ATG3: variants seen among roughly 807,000 people sequenced by gnomAD.
ATG3 encodes the protein ubiquitin-like-conjugating enzyme ATG3.
In ATG3, 25 loss-of-function variants were observed where a neutral mutation model predicts 50.7. The observed-to-expected ratio is 0.49, with a 90% CI of 0.36 to 0.69. The LOEUF is 0.69. Ranked by LOEUF, ATG3 falls within the 30% of genes least tolerant of loss-of-function variation. The pLI is 0.00. For synonymous variants in ATG3, 119 were observed against 125.5 expected (o/e 0.95, Z 0.34); for missense variants, 281 against 376.0 (o/e 0.75, Z 2.09).
chr3:112,544,008 G>C, intron 6 of ATG3, 49 bp downstream of exon 6: 1 of 1,368,640 alleles, frequency 7.3e-7, no homozygotes, highest in African/African-American at 1.5e-5. Flanking sequence ...TAGATAGATA[G>C]GCAAATAACT....
intron 4 of ATG3, 98 bp from the exon 5 acceptor site, chr3:112,548,738 ATACCAC>A (rs1933442171): frequency 1.0e-6 from 1 of 957,916 alleles, no homozygotes; most frequent in South Asian, 1.4e-5. Context: ...TAGGGTGTTT[ATACCAC>A]CAAAGTACTA....
At chr3:112,561,110 C>T (rs1933853513) in intron 1 of ATG3, among the ~76,000 whole-genome samples, 1 of 152,178 alleles carries the variant, frequency 6.6e-6, no homozygotes, top group Non-Finnish European at 1.5e-5. Context: ...GAAGCAAAAT[C>T]CTTGCTTAAA....
At chr3:112,560,549 G>T (rs1444274720) in intron 1 of ATG3, among the ~76,000 whole-genome samples, 1 of 151,730 alleles carries the variant, frequency 6.6e-6, no homozygotes, top group Non-Finnish European at 1.5e-5. Context: ...ACTGAGATTG[G>T]TACATTCTAA....
Position 112,536,392 on chromosome 3 carries a change from TC to T in ATG3, c.794+82del, listed in dbSNP as rs779319382. ...TAAGAAAATTTTTTTCTGTTAGGGT[TC>T]TATGTTTAAAGATTCTCAAGTAATA... is the stretch of plus-strand genomic sequence containing the variant. On this transcript the variant is annotated intron_variant, in intron 10 of 11. Coordinates refer to ENST00000283290, the MANE Select transcript of ATG3 (RefSeq NM_022488.5). 3.3e-6 allele frequency: 5 copies of T among 1,533,586 alleles called. No homozygotes were observed. The African/African-American group carries it at 6.9e-5, about 21-fold the overall frequency. The allele number at this position is 1,533,586 out of a possible 1,614,324, so 95.0% of individuals were successfully genotyped here. A position where few individuals can be genotyped will look rare whatever the true frequency, so the allele number is the denominator to read the frequency against.
rs115022450 is a variant in ATG3, at chr3:112,558,515, T to C, written c.73-98A>G. The C allele has an allele frequency of 1.3e-4, 116 of 913,734 alleles. No homozygotes were observed. In the African/African-American group the frequency reaches 1.7e-3, roughly 13 times the overall value. The allele number at this position is 913,734 out of a possible 1,614,324, so 56.6% of individuals were successfully genotyped here. On this transcript the variant is annotated intron_variant, in intron 1 of 11. Coordinates refer to ENST00000283290, the MANE Select transcript of ATG3 (RefSeq NM_022488.5). The stretch of plus-strand genomic sequence containing the variant: ...ATTTGCCTGGTGCCCTTCTAGGCAA[T>C]AGAGCACATACAAAAAAAAATTAGT...
At chr3:112,561,433 C>T (rs1366320852) in intron 1 of ATG3, 24 bp downstream of exon 1, 1 of 1,611,114 alleles carries the variant, frequency 6.2e-7, no homozygotes, top group African/African-American at 1.3e-5. Flanking sequence ...CCTGACAGCT[C>T]CCGGCAACCC....
At chr3:112,558,129 G>C in intron 2 of ATG3, 1 of 476,716 alleles carries the variant, frequency 2.1e-6, no homozygotes, top group Non-Finnish European at 3.7e-6. Context: ...GACTCATTTT[G>C]ATCCCTTCTT....
At chr3:112,549,056 TG>T (rs1933454787) in intron 4 of ATG3, among the ~76,000 whole-genome samples, 1 of 152,242 alleles carries the variant, frequency 6.6e-6, no homozygotes, top group Non-Finnish European at 1.5e-5. Flanking sequence ...GGTGAACTCT[TG>T]TTTTCAAGGC....
rs1331024592 is a variant in ATG3 at position 112,561,519 on chromosome 3, C to T, written c.10G>A (p.Val4Met). MQN[V>M]INTVKGKALE... ...GCCTTTCCCTTCACAGTATTAATCACATTCTGCATCCTGGGGCCGGAGTAG... is the reference window on the plus strand; with the variant it reads ...GCCTTTCCCTTCACAGTATTAATCATATTCTGCATCCTGGGGCCGGAGTAG... The change falls in exon 1 of 12, where the codon GTG (valine) becomes ATG (methionine). Residue 4 changes from valine to methionine, a missense_variant. By Grantham distance (21) the Val-to-Met change is conservative (BLOSUM62 1). Around this residue, in one of 3 missense-constraint regions of ATG3, gnomAD observed 22 missense variants for 22.7 expected, o/e 0.97. Coordinates refer to ENST00000283290, the MANE Select transcript of ATG3 (RefSeq NM_022488.5). 1.9e-6 allele frequency: 3 copies of T among 1,608,228 alleles called. No individual in the cohort carries two copies. Among genetic ancestry groups the T allele is most frequent in the African/African-American group, 1.3e-5 (1 of 74,880 alleles).
chr3:112,536,429 A>C (rs750308245), intron 10 of ATG3, 46 bp downstream of exon 10: 1 of 1,596,232 alleles, frequency 6.3e-7, no homozygotes, highest in East Asian at 2.2e-5. Context: ...AATCCATGAA[A>C]TATACAATCA....
At chr3:112,538,606 C>G (rs2705562) in intron 7 of ATG3, among the ~76,000 whole-genome samples, 23,936 of 152,132 alleles carry the variant, frequency 0.16, 4,419 homozygotes, top group African/African-American at 0.44. Flanking sequence ...TGGCTTTCCT[C>G]CCTCATCACT....
At chr3:112,557,245 G>A (rs530145796) in intron 2 of ATG3, among the ~76,000 whole-genome samples, 27 of 151,842 alleles carry the variant, frequency 1.8e-4, no homozygotes, top group African/African-American at 6.5e-4. Flanking sequence ...TAGAGACGGG[G>A]TTTCGCCCTG....
At chr3:112,560,441 T>C (rs1053730768) in intron 1 of ATG3, among the ~76,000 whole-genome samples, 1 of 152,208 alleles carries the variant, frequency 6.6e-6, no homozygotes, top group Non-Finnish European at 1.5e-5. Context: ...CAAAAACGTA[T>C]TTTAAAAAGT....
rs1933304649 is a variant in ATG3, at chr3:112,544,039, T to C, written c.393+18A>G. ...TAACTACTCATTAAATTTAAAAATATAACTAATTAACCAGTACCTTATTTT... is the reference window on the plus strand; with the variant it reads ...TAACTACTCATTAAATTTAAAAATACAACTAATTAACCAGTACCTTATTTT... On this transcript the variant is annotated intron_variant, in intron 6 of 11. Transcript: ENST00000283290. 1.3e-6 allele frequency: 2 copies of C among 1,549,828 alleles called. No homozygotes were observed. The highest frequency in any genetic ancestry group is 1.8e-6 in the Non-Finnish European group (2 of 1,123,904).
intron 9 of ATG3, among the ~76,000 whole-genome samples, chr3:112,537,322 A>G (rs1229557336): frequency 1.3e-5 from 2 of 152,224 alleles, no homozygotes; most frequent in Non-Finnish European, 2.9e-5. Flanking sequence ...TCAATTAAGT[A>G]GATGAGTTTT....
Position 112,536,619 on chromosome 3 carries a change from T to G in ATG3, c.667-17A>C, listed in dbSNP as rs541894823. ...CTGCCGTTGCTGAAAGCATAAAAAA[T>G]GCTTTGAAATTACTATTTAAGGCCG... On this transcript the variant is annotated splice_polypyrimidine_tract_variant and intron_variant, in intron 9 of 11. Transcript: ENST00000283290. The G allele has an allele frequency of 3.1e-6, 5 of 1,611,924 alleles. No individual in the cohort carries two copies. The African/African-American group carries it at 6.7e-5, about 22-fold the overall frequency.
intron 1 of ATG3, 130 bp from the exon 2 acceptor site, chr3:112,558,547 A>T: frequency 1.5e-6 from 1 of 686,116 alleles, no homozygotes; most frequent in Non-Finnish European, 2.6e-6. Flanking sequence ...TAGTCTATCT[A>T]TCTAATCTAT....
intron 11 of ATG3, chr3:112,533,232 G>A: frequency 2.0e-6 from 2 of 985,094 alleles, no homozygotes; most frequent in Non-Finnish European, 2.4e-6. Context: ...GTATGTATTT[G>A]CCAAAGACTG....
At position 112,546,832 on chromosome 3, in the gene ATG3, C is replaced by G. The variant is rs1341315407; in HGVS notation, c.343+1701G>C. Among the ~76,000 whole-genome samples, 6 of 152,176 alleles carry G rather than the reference C, an allele frequency of 3.9e-5. 1 individual carries two copies. The highest frequency in any genetic ancestry group is 1.4e-4 in the African/African-American group (6 of 41,430). ...GAAGAGTTAAAAGACTTTCACTACT[C>G]AGTGGGGCGGGGGGAAAGAAGGATG... On this transcript the variant is annotated intron_variant, in intron 5 of 11. Coordinates refer to ENST00000283290, the MANE Select transcript of ATG3 (RefSeq NM_022488.5).
Sources: allele counts gnomAD v4.1 joint callset (sites outside exome capture counted in the v4.1 genomes callset), GRCh38; gene constraint gnomAD v4.1.1; regional missense constraint gnomAD v4.1.1; transcripts MANE v1.5; gene names NCBI Gene and HGNC (gene_info 2026-07-23, HGNC 2026-07-21).